CCSER1: variants seen among roughly 807,000 people sequenced by gnomAD.
The protein encoded by CCSER1 is coiled-coil serine rich protein 1, also known as serine-rich coiled-coil domain-containing protein 1.
CCSER1 carries 41 observed loss-of-function variants against 82.0 expected under a neutral mutation model. The observed-to-expected ratio is 0.50, with a 90% CI of 0.39 to 0.65. The LOEUF (loss-of-function observed/expected upper bound fraction) is 0.65, where lower values mean the gene tolerates loss of function less well. Ranked by LOEUF, CCSER1 falls within the 30% of genes least tolerant of loss-of-function variation. CCSER1 has a pLI of 0.00. For missense variants in CCSER1, 1,119 were observed against 1,064.2 expected (o/e 1.05, Z -0.72); for synonymous variants, 414 against 383.9 (o/e 1.08, Z -0.92).
intron 1 of CCSER1, among the ~76,000 whole-genome samples, chr4:90,164,843 CA>C (rs1560724683): frequency 2.0e-5 from 3 of 152,052 alleles, no homozygotes; most frequent in African/African-American, 7.2e-5. Context: ...TACCTTTTGA[CA>C]AAACTTGAAT....
At chr4:91,511,374 C>T (rs939973487) in intron 10 of CCSER1, among the ~76,000 whole-genome samples, 5 of 152,132 alleles carry the variant, frequency 3.3e-5, no homozygotes, top group South Asian at 2.1e-4. Flanking sequence ...ACATTCATAG[C>T]TTGACAGGAA....
intron 10 of CCSER1, among the ~76,000 whole-genome samples, chr4:91,404,504 A>T (rs1244120853): frequency 6.6e-6 from 1 of 152,022 alleles, no homozygotes; most frequent in East Asian, 1.9e-4. Context: ...TCAATTTTAG[A>T]TCTTTCCTGC....
rs112210328 is a variant in CCSER1 at position 91,310,399 on chromosome 4, C to CAA, written c.2217+224419_2217+224420dup. Among the ~76,000 whole-genome samples the CAA allele has an allele frequency of 4.0e-3, 558 of 140,166 alleles. 1 individual carries two copies. Among genetic ancestry groups the CAA allele is most frequent in the Admixed American group, 8.6e-3 (119 of 13,916 alleles). The allele number at this position is 140,166 out of a possible 152,430, so 92.0% of individuals were successfully genotyped here. ...AATAGCTGATGAGCTAAAACCAATG[C>CAA]AAAAAAAAAAAAAAATCTCATAATG... is the stretch of plus-strand genomic sequence containing the variant. On this transcript the variant is annotated intron_variant, in intron 10 of 10. Coordinates refer to ENST00000509176, the MANE Select transcript of CCSER1 (RefSeq NM_001145065.2).
At chr4:90,235,599 A>G (rs541774724) in intron 1 of CCSER1, among the ~76,000 whole-genome samples, 20 of 152,202 alleles carry the variant, frequency 1.3e-4, no homozygotes, top group Non-Finnish European at 2.1e-4. Context: ...ATAAATTTAT[A>G]CTTAGTTATC....
At chr4:90,807,504 A>G (rs1176475053) in intron 7 of CCSER1, among the ~76,000 whole-genome samples, 1 of 152,080 alleles carries the variant, frequency 6.6e-6, no homozygotes, top group Non-Finnish European at 1.5e-5. Context: ...TTGTAGTCCT[A>G]CCTCTTCAAG....
intron 10 of CCSER1, among the ~76,000 whole-genome samples, chr4:91,086,673 G>T (rs1723431669): frequency 6.6e-6 from 1 of 151,984 alleles, no homozygotes; most frequent in Non-Finnish European, 1.5e-5. Flanking sequence ...TTGTACAAAA[G>T]TGAAGGTATT....
chr4:91,236,351 C>A (rs908076578), intron 10 of CCSER1, among the ~76,000 whole-genome samples: 4 of 151,926 alleles, frequency 2.6e-5, no homozygotes, highest in Non-Finnish European at 5.9e-5. Context: ...CTGGGTGTGG[C>A]GGCCACTTGT....
chr4:91,317,479 G>T (rs1560585816), intron 10 of CCSER1, among the ~76,000 whole-genome samples: 1 of 151,866 alleles, frequency 6.6e-6, no homozygotes, highest in Non-Finnish European at 1.5e-5. Flanking sequence ...ATATATTATG[G>T]AAGGGTAGGG....
intron 3 of CCSER1, among the ~76,000 whole-genome samples, chr4:90,322,852 G>A (rs1269942801): frequency 2.0e-5 from 3 of 152,156 alleles, no homozygotes; most frequent in Non-Finnish European, 4.4e-5. Context: ...CACCACAGCT[G>A]GAACTGCACT....
intron 8 of CCSER1, among the ~76,000 whole-genome samples, chr4:90,900,621 A>G (rs1384119106): frequency 6.6e-6 from 1 of 151,576 alleles, no homozygotes; most frequent in Non-Finnish European, 1.5e-5. Context: ...TAGTTCTAGT[A>G]TTGATTTCTA....
intron 6 of CCSER1, among the ~76,000 whole-genome samples, chr4:90,700,753 T>G (rs1436335928): frequency 6.6e-6 from 1 of 152,256 alleles, no homozygotes; most frequent in African/African-American, 2.4e-5. Flanking sequence ...TGATGAGCAT[T>G]TGTTCATGTG....
chr4:91,560,146 A>G (rs1762587421), intron 10 of CCSER1, among the ~76,000 whole-genome samples: 2 of 151,406 alleles, frequency 1.3e-5, no homozygotes, highest in South Asian at 4.1e-4. Context: ...AAAAAGTCCC[A>G]TTTTCATCAC....
intron 10 of CCSER1, among the ~76,000 whole-genome samples, chr4:91,578,335 A>C (rs1763549612): frequency 6.6e-6 from 1 of 152,020 alleles, no homozygotes; most frequent in Non-Finnish European, 1.5e-5. Context: ...TCTTTTCAAT[A>C]AGATTTTTGA....
intron 10 of CCSER1, among the ~76,000 whole-genome samples, chr4:91,123,720 T>C (rs934747452): frequency 2.0e-5 from 3 of 151,820 alleles, no homozygotes; most frequent in African/African-American, 7.2e-5. Context: ...TCTTTACACT[T>C]GGTTTTGCAT....
chr4:91,129,425 G>T (rs1176876406), intron 10 of CCSER1, among the ~76,000 whole-genome samples: 1 of 151,222 alleles, frequency 6.6e-6, no homozygotes, highest in Non-Finnish European at 1.5e-5. Flanking sequence ...AGCTAATTCT[G>T]ACAGAAAGTA....
At chr4:90,916,085 C>T (rs1196448609) in intron 8 of CCSER1, among the ~76,000 whole-genome samples, 1 of 152,164 alleles carries the variant, frequency 6.6e-6, no homozygotes, top group Non-Finnish European at 1.5e-5. Flanking sequence ...AATGGCCATA[C>T]TACCCAAGGT....
chr4:91,350,793 AT>A (rs1748419398), intron 10 of CCSER1, among the ~76,000 whole-genome samples: 1 of 151,974 alleles, frequency 6.6e-6, no homozygotes, highest in African/African-American at 2.4e-5. Context: ...TCATTTTTAT[AT>A]TTTATGGTAT....
At chr4:91,086,238 G>T (rs1723380492) in intron 10 of CCSER1, among the ~76,000 whole-genome samples, 2 of 152,072 alleles carry the variant, frequency 1.3e-5, no homozygotes, top group South Asian at 4.1e-4. Context: ...GATTAGGCAA[G>T]CATTGTTTCT....
chr4:91,120,050 T>G (rs1044635107), intron 10 of CCSER1, among the ~76,000 whole-genome samples: 1 of 152,008 alleles, frequency 6.6e-6, no homozygotes, highest in Non-Finnish European at 1.5e-5. Flanking sequence ...ATAGTTTGAT[T>G]TTAATATAGA....
Sources: allele counts gnomAD v4.1 joint callset (sites outside exome capture counted in the v4.1 genomes callset), GRCh38; gene constraint gnomAD v4.1.1; transcripts MANE v1.5; gene names NCBI Gene and HGNC (gene_info 2026-07-23, HGNC 2026-07-21).